The following SAMD4B variants were observed in gnomAD, a reference collection of about 807,000 sequenced individuals.
The protein encoded by SAMD4B is protein Smaug homolog 2.
Under a neutral mutation model 74.5 loss-of-function variants are expected in SAMD4B, and 5 were observed. The ratio of observed to expected loss-of-function variants is 0.07; its 90% CI spans 0.04 to 0.14. The LOEUF is 0.14. Ranked by LOEUF, SAMD4B falls within the 10% of genes least tolerant of loss-of-function variation. SAMD4B has a pLI of 1.00. For missense variants in SAMD4B, 608 were observed against 921.8 expected (o/e 0.66, Z 4.41); for synonymous variants, 373 against 374.9 (o/e 1.00, Z 0.06).
At chr19:39,343,929 C>G (rs983941010) in intron 1 of SAMD4B, among the ~76,000 whole-genome samples, 1 of 150,956 alleles carries the variant, frequency 6.6e-6, no homozygotes, top group African/African-American at 2.4e-5. Context: ...CTCACAACCC[C>G]TGTAAGACCG....
At chr19:39,355,522 C>T (rs983909981) in intron 2 of SAMD4B, among the ~76,000 whole-genome samples, 3 of 152,044 alleles carry the variant, frequency 2.0e-5, no homozygotes, top group East Asian at 1.9e-4. Context: ...GTTCTCAGTC[C>T]GGGGAACCTT....
chr19:39,389,802 T>G, downstream of SAMD4B: 1 of 1,613,082 alleles, frequency 6.2e-7, no homozygotes, highest in Non-Finnish European at 8.5e-7. This position sits in a 1 kb window ranked among gnomAD's most constrained non-coding sequence, Gnocchi z 5.3. Flanking sequence ...GGATTCCAGC[T>G]TCACCCCTCA....
downstream of SAMD4B, chr19:39,386,110 T>C (rs374947265): frequency 1.6e-5 from 26 of 1,613,898 alleles, no homozygotes; most frequent in African/African-American, 3.3e-4. The surrounding 1 kb of genome is among the most constrained non-coding windows in gnomAD (Gnocchi z 6.1). Context: ...TGGCTCCGGC[T>C]CCGCTGGCCA....
chr19:39,352,828 G>A (rs1185653810), intron 1 of SAMD4B, among the ~76,000 whole-genome samples: 1 of 152,164 alleles, frequency 6.6e-6, no homozygotes, highest in Non-Finnish European at 1.5e-5. Flanking sequence ...GGGAAAGAGT[G>A]TGCACAACTT....
downstream of SAMD4B, chr19:39,389,885 G>A: frequency 1.5e-6 from 2 of 1,361,268 alleles, no homozygotes; most frequent in Non-Finnish European, 2.1e-6. The surrounding 1 kb of genome is among the most constrained non-coding windows in gnomAD (Gnocchi z 5.3). Flanking sequence ...GGCAGAGTCT[G>A]AAAGCTGGCT....
At chr19:39,352,873 T>C (rs1271085570) in intron 1 of SAMD4B, among the ~76,000 whole-genome samples, 2 of 152,176 alleles carry the variant, frequency 1.3e-5, no homozygotes, top group African/African-American at 4.8e-5. Flanking sequence ...TTTTTTGCTG[T>C]AAATGCTGTT....
intron 9 of SAMD4B, among the ~76,000 whole-genome samples, chr19:39,379,750 T>G (rs1057054699): frequency 1.3e-5 from 2 of 152,128 alleles, no homozygotes; most frequent in African/African-American, 4.8e-5. Context: ...TTTGTACTTT[T>G]AGTAGAGGTG....
downstream of SAMD4B, chr19:39,390,387 C>T: frequency 8.7e-7 from 1 of 1,142,902 alleles, no homozygotes; most frequent in Non-Finnish European, 1.3e-6. Flanking sequence ...GGAGGGGTGA[C>T]AAATGCTGGT....
downstream of SAMD4B, among the ~76,000 whole-genome samples, chr19:39,390,491 A>G (rs1371373714): frequency 1.3e-5 from 2 of 152,202 alleles, no homozygotes; most frequent in African/African-American, 2.4e-5. Context: ...CAAAAGCTTT[A>G]ATGAACAAGG....
At chr19:39,359,006 T>C (rs2076495981) in intron 3 of SAMD4B, among the ~76,000 whole-genome samples, 1 of 152,216 alleles carries the variant, frequency 6.6e-6, no homozygotes, top group Non-Finnish European at 1.5e-5. Context: ...TCAGCTTAGT[T>C]CCTAGTCTGG....
At chr19:39,357,992 C>G (rs1284637998) in intron 3 of SAMD4B, among the ~76,000 whole-genome samples, 1 of 152,116 alleles carries the variant, frequency 6.6e-6, no homozygotes, top group Non-Finnish European at 1.5e-5. Context: ...TGTTCTTGGC[C>G]AGATGCAGTG....
chr19:39,387,610 A>G (rs917720148), downstream of SAMD4B, among the ~76,000 whole-genome samples: 1 of 152,184 alleles, frequency 6.6e-6, no homozygotes, highest in Non-Finnish European at 1.5e-5. Flanking sequence ...CAGAAACTCA[A>G]GACTTCCCAA....
At chr19:39,344,773 C>T (rs1204120871) in intron 1 of SAMD4B, among the ~76,000 whole-genome samples, 8 of 152,088 alleles carry the variant, frequency 5.3e-5, no homozygotes, top group African/African-American at 1.2e-4. Flanking sequence ...CACCTTTCCC[C>T]GCCCCCTTGA....
At chr19:39,363,705 A>G (rs1378703556) in intron 3 of SAMD4B, among the ~76,000 whole-genome samples, 1 of 152,168 alleles carries the variant, frequency 6.6e-6, no homozygotes, top group African/African-American at 2.4e-5. Flanking sequence ...AATGATATTG[A>G]GTTAGGTCAT....
intron 3 of SAMD4B, among the ~76,000 whole-genome samples, chr19:39,357,813 G>A (rs1341363248): frequency 6.6e-6 from 1 of 152,216 alleles, no homozygotes; most frequent in East Asian, 1.9e-4. Context: ...AAGAGGGAGG[G>A]TAGTGGATAC....
intron 3 of SAMD4B, among the ~76,000 whole-genome samples, chr19:39,359,016 G>T (rs1451003094): frequency 6.6e-6 from 1 of 152,210 alleles, no homozygotes; most frequent in Non-Finnish European, 1.5e-5. Flanking sequence ...TCCTAGTCTG[G>T]CAGTAAGTTC....
In SAMD4B at chr19:39,383,149, C is replaced by A; in HGVS notation, c.1973-59C>A. 1 of 1,338,256 alleles carries A rather than the reference C, an allele frequency of 7.5e-7. No individual in the cohort carries two copies. The highest frequency in any genetic ancestry group is 1.1e-6 in the Non-Finnish European group (1 of 928,182). The allele number at this position is 1,338,256 out of a possible 1,614,324, so 82.9% of individuals were successfully genotyped here. On this transcript the variant is annotated intron_variant, in intron 12 of 13. Coordinates refer to ENST00000610417, the MANE Select transcript of SAMD4B (RefSeq NM_001384574.2). This position sits in a 1 kb window ranked among gnomAD's most constrained non-coding sequence, Gnocchi z 4.1. ...ATACCAGCATCCTTTGTCATCCCAG[C>A]TGTCTTCACCTGAGTCCAGTTGGTC...
At chr19:39,390,583 G>A (rs1269598287), downstream of SAMD4B, among the ~76,000 whole-genome samples, 2 of 152,168 alleles carry the variant, frequency 1.3e-5, no homozygotes, top group Non-Finnish European at 2.9e-5. Context: ...TCGGAAGAGG[G>A]GTCTCCAAAC....
Position 39,356,825 on chromosome 19 carries a change from G to A in SAMD4B, c.-69G>A. On this transcript the variant is annotated 5_prime_UTR_variant, in exon 3 of 14. Transcript: ENST00000610417. ...AGGGGAAAGGTAACAGGAGGCCAGA[G>A]CCGGGACCATGTGACGGCGCTGGCC... 7.3e-7 allele frequency: 1 copy of A among 1,372,286 alleles called. No individual in the cohort carries two copies. The allele number at this position is 1,372,286 out of a possible 1,614,324, so 85.0% of individuals were successfully genotyped here.
Sources: allele counts gnomAD v4.1 joint callset (sites outside exome capture counted in the v4.1 genomes callset), GRCh38; gene constraint gnomAD v4.1.1; non-coding constraint Gnocchi (gnomAD v3.1); transcripts MANE v1.5; gene names NCBI Gene and HGNC (gene_info 2026-07-23, HGNC 2026-07-21).